Variants in KLF8 observed in about 807,000 individuals in gnomAD.
The protein encoded by KLF8 is Krueppel-like factor 8.
A neutral mutation model predicts 18.2 loss-of-function variants in KLF8; 10 were observed. That is an observed-to-expected ratio of 0.55 (90% CI 0.34 to 0.93). The LOEUF (loss-of-function observed/expected upper bound fraction) is 0.93, where lower values mean the gene tolerates loss of function less well. KLF8 is among the 40% of genes least tolerant of loss of function. The pLI is 0.02. For synonymous variants in KLF8, 109 were observed against 97.3 expected, an observed-to-expected ratio of 1.12 and a Z score of -0.71; for missense variants, 264 against 277.9, an observed-to-expected ratio of 0.95 and a Z score of 0.36.
chrX:55,988,336 T>C, the KLF8 span, among the ~76,000 whole-genome samples: 3 of 111,695 alleles, frequency 2.7e-5, no homozygotes, highest in East Asian at 5.6e-4. Flanking sequence ...TGGTTTTAGG[T>C]CTAACATGTA....
the KLF8 span, among the ~76,000 whole-genome samples, chrX:56,045,281 G>A: frequency 8.9e-6 from 1 of 112,086 alleles, no homozygotes; most frequent in African/African-American, 3.2e-5. Flanking sequence ...CCAGTACCAT[G>A]CTGTTTTGGT....
At chrX:56,263,721 A>G (rs930259062) in intron 2 of KLF8, among the ~76,000 whole-genome samples, 4 of 112,501 alleles carry the variant, frequency 3.6e-5, no homozygotes, top group Admixed American at 2.8e-4. Flanking sequence ...TAACTAATTC[A>G]TTAATATTGT....
At chrX:56,206,825 C>T in the KLF8 span, among the ~76,000 whole-genome samples, 3 of 112,921 alleles carry the variant, frequency 2.7e-5, no homozygotes, top group African/African-American at 9.6e-5. Flanking sequence ...CCCACATTTC[C>T]CTTCCACACT....
At chrX:56,159,823 C>A in the KLF8 span, among the ~76,000 whole-genome samples, 3 of 111,333 alleles carry the variant, frequency 2.7e-5, no homozygotes, top group African/African-American at 9.8e-5. Flanking sequence ...TTTCGTTGAT[C>A]TTTTCAAAAA....
chrX:56,138,378 G>A, the KLF8 span, among the ~76,000 whole-genome samples: 1 of 111,291 alleles, frequency 9.0e-6, no homozygotes, highest in Non-Finnish European at 1.9e-5. Flanking sequence ...GAAAACTTCA[G>A]GCTAATATCC....
chrX:56,185,667 G>A, the KLF8 span, among the ~76,000 whole-genome samples: 2 of 112,213 alleles, frequency 1.8e-5, no homozygotes, highest in Admixed American at 1.9e-4. Flanking sequence ...CAGACTAATA[G>A]CGAATCTCTC....
At chrX:56,096,758 G>A in the KLF8 span, among the ~76,000 whole-genome samples, 2 of 110,939 alleles carry the variant, frequency 1.8e-5, no homozygotes, top group African/African-American at 6.5e-5. Context: ...ATGAACTCTA[G>A]ACAGGCTAAT....
chrX:56,199,955 A>G, the KLF8 span, among the ~76,000 whole-genome samples: 2 of 111,453 alleles, frequency 1.8e-5, no homozygotes, highest in Non-Finnish European at 3.8e-5. Flanking sequence ...GCTGGAAGCC[A>G]TCATTCTCAG....
chrX:56,192,375 A>T, the KLF8 span, among the ~76,000 whole-genome samples: 1 of 111,691 alleles, frequency 9.0e-6, no homozygotes, highest in African/African-American at 3.2e-5. Flanking sequence ...GGAAAAATCA[A>T]TATTAATATA....
At chrX:56,145,896 G>A in the KLF8 span, among the ~76,000 whole-genome samples, 2 of 111,304 alleles carry the variant, frequency 1.8e-5, no homozygotes, top group African/African-American at 6.5e-5. Flanking sequence ...CAAAAAGTGG[G>A]TAAAGGATAT....
At chrX:56,183,105 C>T in the KLF8 span, among the ~76,000 whole-genome samples, 8 of 112,268 alleles carry the variant, frequency 7.1e-5, no homozygotes, top group East Asian at 2.8e-4. Flanking sequence ...CCTTGAGCTG[C>T]GGTGGGCTCC....
the KLF8 span, among the ~76,000 whole-genome samples, chrX:56,186,417 A>T: frequency 9.0e-6 from 1 of 111,406 alleles, no homozygotes; most frequent in Non-Finnish European, 1.9e-5. Context: ...ACTCCCACAC[A>T]ATAATAATGG....
At chrX:55,989,657 A>G in the KLF8 span, among the ~76,000 whole-genome samples, 1 of 110,861 alleles carries the variant, frequency 9.0e-6, no homozygotes, top group African/African-American at 3.3e-5. Flanking sequence ...ATTGGTCTAA[A>G]ATTCTCTTTT....
chrX:56,274,319 A>G lies in KLF8; in HGVS notation c.898+3998A>G, dbSNP rs753686705. 8.0e-5 allele frequency among the ~76,000 whole-genome samples: 9 copies of G among 112,082 alleles called. No homozygotes were observed. In the East Asian group the frequency reaches 2.2e-3, roughly 28 times the overall value. On this transcript the variant is annotated intron_variant, in intron 5 of 5. Coordinates refer to ENST00000468660, the MANE Select transcript of KLF8 (RefSeq NM_007250.5). ...ATGCCTGTTTATCTTCTTTTGATAA[A>G]TGTCTTTTCAGCTTTTTTGCCCATT...
chrX:56,071,872 G>C, the KLF8 span, among the ~76,000 whole-genome samples: 2 of 111,781 alleles, frequency 1.8e-5, no homozygotes, highest in African/African-American at 6.5e-5. Flanking sequence ...CATTTGAGTA[G>C]TATGTATTAT....
the KLF8 span, among the ~76,000 whole-genome samples, chrX:56,104,421 G>A: frequency 1.3e-3 from 145 of 111,304 alleles, 1 homozygote; most frequent in African/African-American, 4.6e-3. Context: ...CAGAGATTCA[G>A]CTTCTTCCTG....
chrX:56,010,829 C>G, the KLF8 span, among the ~76,000 whole-genome samples: 1 of 111,766 alleles, frequency 8.9e-6, no homozygotes, highest in South Asian at 3.8e-4. Context: ...TATGACCAAA[C>G]AGACTTTAAA....
chrX:55,992,769 T>C, the KLF8 span, among the ~76,000 whole-genome samples: 1 of 111,971 alleles, frequency 8.9e-6, no homozygotes, highest in Non-Finnish European at 1.9e-5. Context: ...AATCTCTGAG[T>C]CCTTTGAGCA....
At chrX:56,189,191 C>G in the KLF8 span, among the ~76,000 whole-genome samples, 1 of 111,350 alleles carries the variant, frequency 9.0e-6, no homozygotes, top group African/African-American at 3.3e-5. Flanking sequence ...GCAAACAACC[C>G]CATCAAAAAG....
Sources: gnomAD v4.1 joint callset for allele counts (sites outside exome capture counted in the v4.1 genomes callset) on GRCh38, gnomAD v4.1.1 for gene constraint, MANE v1.5 for transcripts, NCBI Gene and HGNC (gene_info 2026-07-23, HGNC 2026-07-21) for gene names.